Variants in SCN3A observed in about 807,000 individuals in gnomAD.
SCN3A encodes sodium channel protein type 3 subunit alpha.
In SCN3A, 60 loss-of-function variants were observed where a neutral mutation model predicts 187.6. The ratio of observed to expected loss-of-function variants is 0.32; its 90% CI spans 0.26 to 0.40. The LOEUF (loss-of-function observed/expected upper bound fraction) is 0.40. SCN3A is among the 10% of genes least tolerant of loss of function. The pLI, the probability that SCN3A is intolerant of heterozygous loss-of-function variation, is 1.00. For missense variants in SCN3A, 1,601 were observed against 2,428.2 expected, an observed-to-expected ratio of 0.66 and a Z score of 7.16; for synonymous variants, 788 against 829.2, an observed-to-expected ratio of 0.95 and a Z score of 0.85.
intron 1 of SCN3A, among the ~76,000 whole-genome samples, chr2:165,199,072 A>G (rs1172251965): frequency 6.6e-6 from 1 of 152,068 alleles, no homozygotes; most frequent in African/African-American, 2.4e-5. Context: ...TGGGAAAGGA[A>G]AAGGACAAAA....
At chr2:165,178,979 G>A (rs904908503) in intron 2 of SCN3A, among the ~76,000 whole-genome samples, 2 of 152,114 alleles carry the variant, frequency 1.3e-5, no homozygotes, top group African/African-American at 4.8e-5. Context: ...TTTTCTGCAA[G>A]CCGTAAGTAC....
chr2:165,184,508 A>G (rs1002934553), intron 2 of SCN3A, among the ~76,000 whole-genome samples: 2 of 150,864 alleles, frequency 1.3e-5, no homozygotes, highest in Non-Finnish European at 3.0e-5. Flanking sequence ...AAGAAAAAAA[A>G]AAAAAAGCCT....
rs1186844309 is a variant in SCN3A, at chr2:165,088,951, A to T, written c.*1199T>A. 6.6e-6 allele frequency: 1 copy of T among 152,584 alleles called. No individual in the cohort carries two copies. The highest frequency in any genetic ancestry group is 1.5e-5 in the Non-Finnish European group (1 of 68,002). The allele number at this position is 152,584 out of a possible 1,614,324, so 9.5% of individuals were successfully genotyped here. ...AAATAGCTTCAAATTATTCTGCTTG[A>T]CATAATGGACAGAGCAGGTTGAATT... is the stretch of plus-strand genomic sequence containing the variant. On this transcript the variant is annotated 3_prime_UTR_variant, in exon 28 of 28. Transcript: ENST00000283254.
In SCN3A at chr2:165,092,586, A is replaced by C; in HGVS notation, c.4537-62T>G. 6.7e-7 allele frequency: 1 copy of C among 1,502,588 alleles called. No homozygotes were observed. Among genetic ancestry groups the C allele is most frequent in the Non-Finnish European group, 9.2e-7 (1 of 1,083,068 alleles). 93.1% of individuals were successfully genotyped at this position (1,502,588 alleles called of 1,614,324 possible). On this transcript the variant is annotated intron_variant, in intron 26 of 27. Transcript: ENST00000283254. The surrounding 1 kb of genome is among the most constrained non-coding windows in gnomAD (Gnocchi z 4.2). ...ATATTTCATAAAGAATAATGCAGTA[A>C]AATTGTAGATAAAGCCCTTCCACAT...
intron 11 of SCN3A, among the ~76,000 whole-genome samples, chr2:165,152,569 T>G (rs973102190): frequency 2.6e-5 from 4 of 152,196 alleles, no homozygotes; most frequent in African/African-American, 9.7e-5. Context: ...ATGATTTATA[T>G]TCCTTTGAGT....
chr2:165,177,140 G>C (rs1690519015), intron 2 of SCN3A, among the ~76,000 whole-genome samples: 1 of 152,114 alleles, frequency 6.6e-6, no homozygotes, highest in Admixed American at 6.5e-5. Context: ...GCCAGACTCT[G>C]TTTCCTTCTG....
intron 17 of SCN3A, among the ~76,000 whole-genome samples, chr2:165,128,425 A>G (rs1470529252): frequency 7.1e-6 from 1 of 140,528 alleles, no homozygotes; most frequent in East Asian, 2.4e-4. Context: ...GATTCTGCCA[A>G]CGAGAGAGAG....
At chr2:165,194,889 C>T (rs1196644732) in intron 1 of SCN3A, 2 of 151,854 alleles carry the variant, frequency 1.3e-5, no homozygotes, top group African/African-American at 2.4e-5. Flanking sequence ...CTGTGTTTTT[C>T]CTTCAGGCTC....
intron 12 of SCN3A, among the ~76,000 whole-genome samples, chr2:165,142,950 C>T (rs115493988): frequency 0.012 from 1,899 of 152,164 alleles, 36 homozygotes; most frequent in Non-Finnish European, 0.016. Context: ...CAGGGTTTCA[C>T]CATGATGGTC....
rs535868250 is a variant in SCN3A at position 165,112,519 on chromosome 2, C to T, written c.3843+366G>A. On this transcript the variant is annotated intron_variant, in intron 21 of 27. Transcript: ENST00000283254. Reference sequence around the variant, plus strand: ...TGACCTTCAGTCATTTTTTATTTTGCTTCTTGGAGATGTTTGTTTGTTTTT... The same window carrying T: ...TGACCTTCAGTCATTTTTTATTTTGTTTCTTGGAGATGTTTGTTTGTTTTT... Among the ~76,000 whole-genome samples, 10 of 152,192 alleles carry T rather than the reference C, an allele frequency of 6.6e-5. No individual in the cohort carries two copies. In the South Asian group the frequency reaches 1.9e-3, roughly 28 times the overall value.
chr2:165,145,761 T>A (rs1688280695), intron 12 of SCN3A, among the ~76,000 whole-genome samples: 1 of 152,026 alleles, frequency 6.6e-6, no homozygotes, highest in Non-Finnish European at 1.5e-5. Context: ...TAAATTAATC[T>A]TATATATTAT....
chr2:165,167,093 G>T (rs1455241057), intron 5 of SCN3A, among the ~76,000 whole-genome samples: 2 of 151,964 alleles, frequency 1.3e-5, no homozygotes, highest in African/African-American at 2.4e-5. Context: ...TAGAGATGGG[G>T]TTTCACCATG....
chr2:165,092,783 G>A lies in SCN3A; in HGVS notation c.4537-259C>T, dbSNP rs775849995. ...GATGAGACATAAATTAAGGCTGGGC[G>A]TGGCAACTCATGCCTGTAATTCCAG... On this transcript the variant is annotated intron_variant, in intron 26 of 27. Transcript: ENST00000283254. The surrounding 1 kb of genome is among the most constrained non-coding windows in gnomAD (Gnocchi z 4.2). 2.3e-4 allele frequency: 98 copies of A among 422,994 alleles called. No homozygotes were observed. The highest frequency in any genetic ancestry group is 1.3e-3 in the Middle Eastern group (2 of 1,490). The allele number at this position is 422,994 out of a possible 1,614,324, so 26.2% of individuals were successfully genotyped here.
At chr2:165,108,289 G>A (rs1044864473) in intron 21 of SCN3A, among the ~76,000 whole-genome samples, 11 of 151,826 alleles carry the variant, frequency 7.2e-5, no homozygotes, top group African/African-American at 2.7e-4. Context: ...TAAATGTCAA[G>A]AACTAAGGCA....
intron 17 of SCN3A, 54 bp downstream of exon 17, chr2:165,129,886 C>T (rs1254097035): frequency 2.4e-5 from 39 of 1,609,816 alleles, no homozygotes; most frequent in Non-Finnish European, 3.0e-5. Context: ...GGCCACGTTC[C>T]TAGCTACTGT....
At chr2:165,198,002 A>G (rs1233731532) in intron 1 of SCN3A, among the ~76,000 whole-genome samples, 3 of 152,006 alleles carry the variant, frequency 2.0e-5, no homozygotes, top group African/African-American at 4.8e-5. Flanking sequence ...TGTATATATC[A>G]TATCAACAGT....
chr2:165,148,688 C>G (rs1688498300), intron 11 of SCN3A, among the ~76,000 whole-genome samples: 1 of 151,714 alleles, frequency 6.6e-6, no homozygotes, highest in South Asian at 2.1e-4. Context: ...AATGGAAGCT[C>G]AAATCTAAGA....
intron 2 of SCN3A, 55 bp from the exon 3 acceptor site, chr2:165,176,499 G>C (rs1265108994): frequency 8.0e-6 from 11 of 1,369,858 alleles, no homozygotes; most frequent in Non-Finnish European, 1.0e-5. Flanking sequence ...TTGGGCATAA[G>C]AACATCAACC....
At chr2:165,119,148 C>T (rs1410218177) in intron 18 of SCN3A, among the ~76,000 whole-genome samples, 2 of 152,102 alleles carry the variant, frequency 1.3e-5, no homozygotes, top group Non-Finnish European at 2.9e-5. Context: ...TCAAGTGATT[C>T]ATCCACCTTG....
Sources: gnomAD v4.1 joint callset for allele counts (sites outside exome capture counted in the v4.1 genomes callset) on GRCh38, gnomAD v4.1.1 for gene constraint, Gnocchi (gnomAD v3.1) non-coding constraint, MANE v1.5 for transcripts, NCBI Gene and HGNC (gene_info 2026-07-23, HGNC 2026-07-21) for gene names.